Variants in TSEN15 observed in about 807,000 individuals in gnomAD.
TSEN15 encodes tRNA splicing endonuclease subunit 15.
Under a neutral mutation model 20.5 loss-of-function variants are expected in TSEN15, and 10 were observed. That is an observed-to-expected ratio of 0.49 (90% confidence interval 0.30 to 0.83). The LOEUF (loss-of-function observed/expected upper bound fraction) is 0.83. Ranked by LOEUF, TSEN15 falls within the 40% of genes least tolerant of loss-of-function variation. The pLI, the probability that TSEN15 is intolerant of heterozygous loss-of-function variation, is 0.06. For synonymous variants in TSEN15, 72 were observed against 80.1 expected, an observed-to-expected ratio of 0.90 and a Z score of 0.54; for missense variants, 180 against 218.6, an observed-to-expected ratio of 0.82 and a Z score of 1.11.
chr1:184,081,220 A>T (rs892803116), intron 3 of TSEN15, among the ~76,000 whole-genome samples: 2 of 152,178 alleles, frequency 1.3e-5, no homozygotes, highest in African/African-American at 4.8e-5. Flanking sequence ...TGGGCATATT[A>T]GTCAGGGTGG....
At position 184,064,060 on chromosome 1, in the gene TSEN15, C is replaced by G. The variant is rs142060671; in HGVS notation, c.354-8097C>G. 3.1e-3 allele frequency among the ~76,000 whole-genome samples: 467 copies of G among 151,926 alleles called. 2 individuals carry two copies. Among genetic ancestry groups the G allele is most frequent in the African/African-American group, 7.3e-3 (304 of 41,432 alleles). On this transcript the variant is annotated intron_variant, in intron 3 of 4. Coordinates refer to ENST00000645668, the MANE Select transcript of TSEN15 (RefSeq NM_052965.4). ...TTATTTATTGGCTGCCTGGGCTCATCGGGTGCAAAATATTATGGACTTTGC... is the reference window on the plus strand; with the variant it reads ...TTATTTATTGGCTGCCTGGGCTCATGGGGTGCAAAATATTATGGACTTTGC...
intron 3 of TSEN15, among the ~76,000 whole-genome samples, chr1:184,056,669 G>A (rs1044349315): frequency 2.0e-5 from 3 of 152,108 alleles, no homozygotes; most frequent in Non-Finnish European, 2.9e-5. Context: ...TTTTAATGGT[G>A]TGAGAGGCGG....
downstream of TSEN15, among the ~76,000 whole-genome samples, chr1:184,077,274 G>A (rs1047465853): frequency 1.3e-5 from 2 of 152,092 alleles, no homozygotes; most frequent in Non-Finnish European, 2.9e-5. Context: ...TACTCTATAA[G>A]TGGAACAATG....
chr1:184,081,136 G>A (rs1305174343), intron 3 of TSEN15, among the ~76,000 whole-genome samples: 1 of 152,172 alleles, frequency 6.6e-6, no homozygotes, highest in Non-Finnish European at 1.5e-5. Context: ...TGATACCTGT[G>A]TATGAACTAC....
intron 3 of TSEN15, among the ~76,000 whole-genome samples, chr1:184,080,096 A>G (rs573694987): frequency 6.6e-6 from 1 of 152,314 alleles, no homozygotes; most frequent in South Asian, 2.1e-4. Flanking sequence ...AAAAGTGCAC[A>G]GTGAACCTCT....
chr1:184,052,519 C>T (rs1170626675), intron 1 of TSEN15, among the ~76,000 whole-genome samples: 2 of 151,990 alleles, frequency 1.3e-5, no homozygotes, highest in East Asian at 1.9e-4. Context: ...AGTACGGTTC[C>T]AAGCAGTGAA....
intron 3 of TSEN15, among the ~76,000 whole-genome samples, chr1:184,065,737 C>G (rs1650631265): frequency 6.6e-6 from 1 of 152,170 alleles, no homozygotes; most frequent in Admixed American, 6.5e-5. Context: ...TAACTTCTTG[C>G]AATTTCCTGA....
intron 3 of TSEN15, among the ~76,000 whole-genome samples, chr1:184,083,540 C>T (rs2102902061): frequency 6.6e-6 from 1 of 152,220 alleles, no homozygotes; most frequent in South Asian, 2.1e-4. Context: ...ATGGTAATTC[C>T]TCTCACATAA....
chr1:184,070,512 A>T, intron 3 of TSEN15: 1 of 388,676 alleles, frequency 2.6e-6, no homozygotes, highest in Non-Finnish European at 4.6e-6. Context: ...TTAAAATTTT[A>T]GTTGATCCAT....
At chr1:184,075,732 TATAA>T (rs1464707559), downstream of TSEN15, among the ~76,000 whole-genome samples, 1 of 152,040 alleles carries the variant, frequency 6.6e-6, no homozygotes, top group Non-Finnish European at 1.5e-5. Flanking sequence ...TAAATAAAAA[TATAA>T]ATAAGTTTTA....
rs1469902001 is a variant in TSEN15 at position 184,051,836 on chromosome 1, C to T, written c.81C>T (p.Gly27=). ...GPGGVRGFGD[G]GGAPSWAPED... is the part of the protein sequence containing the mutation. Reference sequence around the variant, plus strand: ...GCGGTGTTCGCGGCTTTGGCGACGGCGGTGGAGCTCCTTCGTGGGCCCCTG... The same window carrying T: ...GCGGTGTTCGCGGCTTTGGCGACGGTGGTGGAGCTCCTTCGTGGGCCCCTG... Residue 27 remains glycine, a synonymous_variant, in exon 1 of 5, where the codon GGC becomes GGT. Transcript: ENST00000645668. 4.5e-6 allele frequency: 7 copies of T among 1,548,418 alleles called. No individual in the cohort carries two copies. The highest frequency in any genetic ancestry group is 1.2e-5 in the South Asian group (1 of 83,300).
chr1:184,071,484 A>G (rs940376569), intron 3 of TSEN15, among the ~76,000 whole-genome samples: 12 of 152,204 alleles, frequency 7.9e-5, no homozygotes, highest in African/African-American at 2.6e-4. Context: ...TATGACAATA[A>G]TAGCATAAAG....
chr1:184,060,603 C>T (rs1650417615), intron 3 of TSEN15, among the ~76,000 whole-genome samples: 1 of 152,182 alleles, frequency 6.6e-6, no homozygotes, highest in South Asian at 2.1e-4. Context: ...CAAAGTATTT[C>T]AAAATATTTT....
intron 3 of TSEN15, among the ~76,000 whole-genome samples, chr1:184,071,518 A>G (rs1650881399): frequency 6.6e-6 from 1 of 152,030 alleles, no homozygotes; most frequent in Non-Finnish European, 1.5e-5. Context: ...ATAAAGCTCT[A>G]TTGGAGCAAT....
chr1:184,063,810 G>GA (rs1344881832), intron 3 of TSEN15, among the ~76,000 whole-genome samples: 1 of 151,724 alleles, frequency 6.6e-6, no homozygotes, highest in Non-Finnish European at 1.5e-5. Context: ...ATGGGGAGAA[G>GA]AAAAAACCTA....
chr1:184,054,692 A>G, intron 2 of TSEN15, 36 bp from the exon 3 acceptor site: 1 of 1,594,740 alleles, frequency 6.3e-7, no homozygotes, highest in Non-Finnish European at 8.5e-7. Context: ...TTTGTATTTA[A>G]TAAACATTAT....
At chr1:184,058,225 T>C (rs1650316981) in intron 3 of TSEN15, 3 of 426,030 alleles carry the variant, frequency 7.0e-6, no homozygotes, top group Non-Finnish European at 1.4e-5. Context: ...GTAGAATTAG[T>C]TGGAATGATA....
intron 3 of TSEN15, among the ~76,000 whole-genome samples, chr1:184,063,494 T>C (rs1028957849): frequency 1.3e-5 from 2 of 152,208 alleles, no homozygotes; most frequent in Non-Finnish European, 2.9e-5. Context: ...TCCTAGCCTG[T>C]GGTGATTTGC....
In TSEN15 at chr1:184,054,938, C is replaced by T. The variant is rs145949347; in HGVS notation, c.353+75C>T. On this transcript the variant is annotated intron_variant, in intron 3 of 4. Transcript: ENST00000645668. ...AAACATTAAACATAGTGATGTAATA[C>T]TTTTAATGAAATTTGGGATACAGGG... 1.5e-3 allele frequency: 2,150 copies of T among 1,477,946 alleles called. 13 individuals are homozygous for T. Among genetic ancestry groups the T allele is most frequent in the African/African-American group, 7.1e-3 (508 of 71,370 alleles). 91.6% of individuals were successfully genotyped at this position (1,477,946 alleles called of 1,614,324 possible).
Sources: allele counts gnomAD v4.1 joint callset (sites outside exome capture counted in the v4.1 genomes callset), GRCh38; gene constraint gnomAD v4.1.1; transcripts MANE v1.5; gene names NCBI Gene and HGNC (gene_info 2026-07-23, HGNC 2026-07-21).